Variants in PCDHGA4 observed in about 807,000 individuals in gnomAD.
The protein encoded by PCDHGA4 is protocadherin gamma-A4.
A neutral mutation model predicts 54.6 loss-of-function variants in PCDHGA4; 38 were observed. The ratio of observed to expected loss-of-function variants is 0.70; its 90% CI spans 0.54 to 0.91. The LOEUF is 0.91. PCDHGA4 is among the 40% of genes least tolerant of loss of function. PCDHGA4 has a pLI of 0.00. For missense variants in PCDHGA4, 1,298 were observed against 1,220.9 expected, an observed-to-expected ratio of 1.06 and a Z score of -0.94; for synonymous variants, 511 against 512.9, an observed-to-expected ratio of 1.00 and a Z score of 0.05.
chr5:141,500,051 C>A (rs991931153), intron 2 of PCDHGA4, among the ~76,000 whole-genome samples: 1 of 151,988 alleles, frequency 6.6e-6, no homozygotes, highest in Non-Finnish European at 1.5e-5. Context: ...TATCTTAATG[C>A]TCTTTTAATG....
chr5:141,477,867 C>CGGT lies in PCDHGA4; in HGVS notation c.2515-16940_2515-16939insGGT. On this transcript the variant is annotated intron_variant, in intron 1 of 3. Transcript: ENST00000571252. This position sits in a 1 kb window ranked among gnomAD's most constrained non-coding sequence, Gnocchi z 4.9. ...TCGGTGGAGATGCTGCCTCGAGGTA[C>CGGT]CTCAGCTGGCCACCTAGTGTCACGG... 6.2e-7 allele frequency: 1 copy of CGGT among 1,613,614 alleles called. No homozygotes were observed. Among genetic ancestry groups the CGGT allele is most frequent in the Non-Finnish European group, 8.5e-7 (1 of 1,179,854 alleles).
intron 1 of PCDHGA4, chr5:141,371,288 G>A (rs780665474): frequency 3.1e-6 from 5 of 1,613,992 alleles, no homozygotes; most frequent in Non-Finnish European, 4.2e-6. Flanking sequence ...ACAGTAAAAC[G>A]GGGGAACTCA....
chr5:141,371,874 A>G, intron 1 of PCDHGA4: 2 of 1,613,474 alleles, frequency 1.2e-6, no homozygotes, highest in Non-Finnish European at 1.7e-6. Flanking sequence ...CATCGTGGCC[A>G]GTGACCTGGA....
intron 1 of PCDHGA4, chr5:141,414,940 G>C: frequency 7.4e-6 from 12 of 1,614,104 alleles, no homozygotes; most frequent in Non-Finnish European, 9.3e-6. Context: ...CGCAGAGCCC[G>C]GCTACCTGGT....
rs541220236 is a variant in PCDHGA4, at chr5:141,382,835, C to A, written c.2514+25214C>A. On this transcript the variant is annotated intron_variant, in intron 1 of 3. Transcript: ENST00000571252. Reference sequence around the variant, plus strand: ...CCTTCCTAAGACAGAGGGGTCCACCCGGATACACCCGCATTCTGAAGCACT... The same window carrying A: ...CCTTCCTAAGACAGAGGGGTCCACCAGGATACACCCGCATTCTGAAGCACT... The A allele has an allele frequency of 2.7e-4, 387 of 1,431,176 alleles. 2 individuals carry two copies. In the Middle Eastern group the frequency reaches 2.8e-3, roughly 10 times the overall value. The allele number at this position is 1,431,176 out of a possible 1,614,324, so 88.7% of individuals were successfully genotyped here. A position where few individuals can be genotyped will look rare whatever the true frequency, so the allele number is the denominator to read the frequency against.
At position 141,356,595 on chromosome 5, in the gene PCDHGA4, C is replaced by G; in HGVS notation, c.1488C>G (p.Asn496Lys). 1.9e-6 allele frequency: 3 copies of G among 1,614,170 alleles called. No individual in the cohort carries two copies. Among genetic ancestry groups the G allele is most frequent in the South Asian group, 2.2e-5 (2 of 91,086 alleles). Residue 496 changes from asparagine to lysine, a missense_variant, in exon 1 of 4, where the codon AAC becomes AAG. Coordinates refer to ENST00000571252, the MANE Select transcript of PCDHGA4 (RefSeq NM_018917.4). ...ASYSAYIPENNPRGASILSMT... is the reference protein window; with the variant it reads ...ASYSAYIPENKPRGASILSMT... ...ACTCTGCTTACATTCCTGAAAACAACCCCAGAGGAGCCTCCATCTTATCTA... is the reference window on the plus strand; with the variant it reads ...ACTCTGCTTACATTCCTGAAAACAAGCCCAGAGGAGCCTCCATCTTATCTA...
chr5:141,455,388 A>C (rs1415223043), intron 1 of PCDHGA4, among the ~76,000 whole-genome samples: 1 of 152,086 alleles, frequency 6.6e-6, no homozygotes, highest in Non-Finnish European at 1.5e-5. Context: ...AGAAGGAAGG[A>C]GCTCCCCCTT....
intron 1 of PCDHGA4, chr5:141,376,519 T>C (rs1281722134): frequency 1.2e-6 from 2 of 1,613,930 alleles, no homozygotes; most frequent in Non-Finnish European, 1.7e-6. Context: ...TGAGTTTCTT[T>C]CCGCCTAAGC....
intron 1 of PCDHGA4, chr5:141,376,596 T>C: frequency 6.5e-7 from 1 of 1,549,136 alleles, no homozygotes; most frequent in South Asian, 1.2e-5. Flanking sequence ...GATCGGCTGT[T>C]ATAGAAGCGA....
At chr5:141,361,064 A>G in intron 1 of PCDHGA4, 3 of 1,613,918 alleles carry the variant, frequency 1.9e-6, no homozygotes, top group Non-Finnish European at 2.5e-6. Context: ...TTGGATTTTG[A>G]GATTGCAAGT....
At chr5:141,456,899 G>T (rs1592472053) in intron 1 of PCDHGA4, among the ~76,000 whole-genome samples, 1 of 152,212 alleles carries the variant, frequency 6.6e-6, no homozygotes, top group East Asian at 1.9e-4. Context: ...GGAGGCAGAG[G>T]TTGCAGTGAG....
chr5:141,413,863 G>T, intron 1 of PCDHGA4: 1 of 1,613,356 alleles, frequency 6.2e-7, no homozygotes, highest in Non-Finnish European at 8.5e-7. Flanking sequence ...ATCTGGCACT[G>T]TCCTTGTCAG....
chr5:141,508,904 T>C (rs1421450229), intron 3 of PCDHGA4, among the ~76,000 whole-genome samples: 2 of 151,336 alleles, frequency 1.3e-5, no homozygotes, highest in African/African-American at 4.9e-5. Context: ...GGCGGGGCGG[T>C]GGCGGATCTG....
intron 1 of PCDHGA4, among the ~76,000 whole-genome samples, chr5:141,446,747 G>T (rs997132200): frequency 3.9e-5 from 6 of 152,190 alleles, no homozygotes; most frequent in Non-Finnish European, 8.8e-5. Context: ...GATTACAGGC[G>T]TGAGCCACCG....
At position 141,389,010 on chromosome 5, in the gene PCDHGA4, C is replaced by G. The variant is rs141101630; in HGVS notation, c.2514+31389C>G. ...CAAAGTCCGTGACAAGGATTCCAGA[C>G]ACAATGGAGAAGTGACTTGTAAATT... On this transcript the variant is annotated intron_variant, in intron 1 of 3. Transcript: ENST00000571252. 227 of 1,613,980 alleles carry G rather than the reference C, an allele frequency of 1.4e-4. 1 individual carries two copies. In the African/African-American group the frequency reaches 2.6e-3, roughly 18 times the overall value.
intron 1 of PCDHGA4, among the ~76,000 whole-genome samples, chr5:141,453,315 T>A (rs1410108522): frequency 6.6e-6 from 1 of 151,214 alleles, no homozygotes; most frequent in African/African-American, 2.5e-5. Context: ...TTATTTATTT[T>A]AGAGATGGGG....
At chr5:141,418,045 G>A (rs754041387) in intron 1 of PCDHGA4, 2 of 1,614,002 alleles carry the variant, frequency 1.2e-6, no homozygotes, top group East Asian at 2.2e-5. Flanking sequence ...TGGATGTGTC[G>A]GCTCGCGAGC....
intron 1 of PCDHGA4, among the ~76,000 whole-genome samples, chr5:141,492,329 C>T (rs2099739386): frequency 1.3e-5 from 2 of 152,232 alleles, no homozygotes; most frequent in African/African-American, 4.8e-5. Context: ...CGTGGGCTTA[C>T]GCGAATACCA....
chr5:141,370,964 G>A (rs372975056), intron 1 of PCDHGA4: 71 of 1,613,848 alleles, frequency 4.4e-5, no homozygotes, highest in Non-Finnish European at 5.6e-5. Flanking sequence ...ATGGCAGTAG[G>A]TACCCAGAGC....
Sources: gnomAD v4.1 joint callset for allele counts (sites outside exome capture counted in the v4.1 genomes callset) on GRCh38, gnomAD v4.1.1 for gene constraint, Gnocchi (gnomAD v3.1) non-coding constraint, MANE v1.5 for transcripts, NCBI Gene and HGNC (gene_info 2026-07-23, HGNC 2026-07-21) for gene names.